XKR9: variants seen among roughly 807,000 people sequenced by gnomAD.
The protein encoded by XKR9 is XK-related protein 9.
A neutral mutation model predicts 32.0 loss-of-function variants in XKR9; 32 were observed. That is an observed-to-expected ratio of 1.00 (90% CI 0.76 to 1.34). XKR9 has a LOEUF of 1.34. XKR9 is among the 40% of genes most tolerant of loss of function. XKR9 has a pLI of 0.00. For missense variants in XKR9, 546 were observed against 429.7 expected, an observed-to-expected ratio of 1.27 and a Z score of -2.39; for synonymous variants, 168 against 143.4, an observed-to-expected ratio of 1.17 and a Z score of -1.22.
chr8:70,750,593 C>T (rs1019941335), intron 2 of XKR9, among the ~76,000 whole-genome samples: 4 of 152,046 alleles, frequency 2.6e-5, no homozygotes, highest in African/African-American at 9.7e-5. Context: ...ATGAAGATTG[C>T]CACTGGAGTC....
chr8:71,045,461 T>C, the XKR9 span, among the ~76,000 whole-genome samples: 1 of 152,154 alleles, frequency 6.6e-6, no homozygotes, highest in Non-Finnish European at 1.5e-5. Context: ...TTCTTGGGGA[T>C]TGTGCCAGAT....
the XKR9 span, among the ~76,000 whole-genome samples, chr8:70,945,307 A>G: frequency 3.3e-5 from 5 of 152,198 alleles, no homozygotes; most frequent in Admixed American, 6.5e-5. Context: ...GAGTCACCCT[A>G]TGCCTAAGCT....
At chr8:70,831,253 T>C in the XKR9 span, among the ~76,000 whole-genome samples, 1 of 144,874 alleles carries the variant, frequency 6.9e-6, no homozygotes, top group Non-Finnish European at 1.5e-5. Flanking sequence ...ATCGTGCCAC[T>C]GCACTCTAGC....
chr8:71,015,595 T>G, the XKR9 span, among the ~76,000 whole-genome samples: 1 of 152,202 alleles, frequency 6.6e-6, no homozygotes. Context: ...ATCAGCAGTT[T>G]ATGAAAGCCC....
intron 2 of XKR9, among the ~76,000 whole-genome samples, chr8:70,760,968 G>T (rs918428377): frequency 1.3e-5 from 2 of 152,074 alleles, no homozygotes; most frequent in South Asian, 2.1e-4. Flanking sequence ...GCAGTATTTG[G>T]TTTTCTGTTG....
At chr8:70,929,613 C>T in the XKR9 span, among the ~76,000 whole-genome samples, 33 of 152,140 alleles carry the variant, frequency 2.2e-4, no homozygotes, top group African/African-American at 6.0e-4. Context: ...TGTGGTTGTA[C>T]GACTAAGGTT....
the XKR9 span, among the ~76,000 whole-genome samples, chr8:70,893,314 A>G: frequency 6.6e-6 from 1 of 151,980 alleles, no homozygotes; most frequent in Non-Finnish European, 1.5e-5. Context: ...TTATTATTTT[A>G]GCTTCTTTTT....
chr8:70,849,579 T>C, the XKR9 span, among the ~76,000 whole-genome samples: 2 of 151,874 alleles, frequency 1.3e-5, no homozygotes, highest in African/African-American at 4.8e-5. Context: ...TGCAAACAAA[T>C]TGAAAAGCTA....
chr8:70,956,467 C>T, the XKR9 span, among the ~76,000 whole-genome samples: 1 of 152,208 alleles, frequency 6.6e-6, no homozygotes, highest in African/African-American at 2.4e-5. Flanking sequence ...GAAGTTCTTA[C>T]TCCAGGTGCC....
chr8:70,824,225 CT>C, the XKR9 span, among the ~76,000 whole-genome samples: 1 of 151,990 alleles, frequency 6.6e-6, no homozygotes, highest in Non-Finnish European at 1.5e-5. Context: ...TAACTTTATC[CT>C]CTATTTTACC....
chr8:70,808,605 G>T, the XKR9 span, among the ~76,000 whole-genome samples: 1 of 152,186 alleles, frequency 6.6e-6, no homozygotes, highest in South Asian at 2.1e-4. Flanking sequence ...CCCTAATACT[G>T]TGCTTTTCCA....
the XKR9 span, among the ~76,000 whole-genome samples, chr8:70,993,601 T>C: frequency 1.9e-5 from 2 of 105,124 alleles, no homozygotes; most frequent in South Asian, 6.7e-4. Context: ...TCATAGGACA[T>C]CTTCCTTCCT....
chr8:71,058,291 A>T, the XKR9 span, among the ~76,000 whole-genome samples: 22 of 152,300 alleles, frequency 1.4e-4, no homozygotes, highest in East Asian at 4.1e-3. Context: ...AACAAGCAAG[A>T]TTAGAGTGTT....
At chr8:70,972,991 G>A in the XKR9 span, among the ~76,000 whole-genome samples, 1 of 152,194 alleles carries the variant, frequency 6.6e-6, no homozygotes, top group Admixed American at 6.5e-5. Context: ...AAATGATTTA[G>A]GGAGGAGTCC....
chr8:70,811,162 A>G, the XKR9 span, among the ~76,000 whole-genome samples: 1 of 152,204 alleles, frequency 6.6e-6, no homozygotes, highest in Non-Finnish European at 1.5e-5. Context: ...AACTACATGG[A>G]AACTGAACAA....
chr8:70,777,942 A>G (rs1225430468), intron 2 of XKR9, among the ~76,000 whole-genome samples: 1 of 152,108 alleles, frequency 6.6e-6, no homozygotes, highest in Admixed American at 6.6e-5. Flanking sequence ...TGCTGTGCAG[A>G]AGCTCTTTAG....
At chr8:70,801,751 T>C in the XKR9 span, among the ~76,000 whole-genome samples, 4 of 152,142 alleles carry the variant, frequency 2.6e-5, no homozygotes, top group Non-Finnish European at 5.9e-5. Context: ...TGTAATACTG[T>C]CAGTGGGGTG....
chr8:70,915,430 A>G, the XKR9 span, among the ~76,000 whole-genome samples: 81,752 of 151,950 alleles, frequency 0.54, 22,952 homozygotes, highest in Middle Eastern at 0.62. Flanking sequence ...ATAGTTAGCT[A>G]AGTCTATGTC....
At chr8:71,023,458 G>C in the XKR9 span, among the ~76,000 whole-genome samples, 1 of 152,206 alleles carries the variant, frequency 6.6e-6, no homozygotes, top group Non-Finnish European at 1.5e-5. Context: ...ACTCAGGATG[G>C]AATGCCAAGT....
Sources: gnomAD v4.1 joint callset for allele counts (sites outside exome capture counted in the v4.1 genomes callset) on GRCh38, gnomAD v4.1.1 for gene constraint, MANE v1.5 for transcripts, NCBI Gene and HGNC (gene_info 2026-07-23, HGNC 2026-07-21) for gene names.